CCDC3: variants seen among roughly 807,000 people sequenced by gnomAD.
CCDC3 encodes coiled-coil domain-containing protein 3.
A neutral mutation model predicts 21.4 loss-of-function variants in CCDC3; 24 were observed. That is an observed-to-expected ratio of 1.12 (90% CI 0.81 to 1.58). The LOEUF is 1.58. Among genes scored for constraint, CCDC3 ranks in the 40% most tolerant of loss-of-function variants. The pLI, the probability that CCDC3 is intolerant of heterozygous loss-of-function variation, is 0.00. For missense variants in CCDC3, 425 were observed against 360.9 expected (o/e 1.18, Z -1.44); for synonymous variants, 186 against 166.0 (o/e 1.12, Z -0.93).
intron 4 of CCDC3, among the ~76,000 whole-genome samples, chr10:13,057,634 C>T (rs1836698677): frequency 6.6e-6 from 1 of 152,094 alleles, no homozygotes; most frequent in African/African-American, 2.4e-5. Context: ...AATCCCAGCA[C>T]TTTGGAAGGC....
At chr10:12,901,186 G>A (rs369640599) in intron 2 of CCDC3, among the ~76,000 whole-genome samples, 13 of 152,198 alleles carry the variant, frequency 8.5e-5, no homozygotes, top group South Asian at 2.1e-4. Context: ...GTCTGCCTCC[G>A]CCTGTTCTTG....
chr10:13,050,217 T>G (rs1317536707), intron 4 of CCDC3, among the ~76,000 whole-genome samples: 3 of 152,164 alleles, frequency 2.0e-5, no homozygotes, highest in Non-Finnish European at 4.4e-5. Context: ...CTGGTCCATT[T>G]GCAGCCTGTG....
At chr10:13,073,687 A>G (rs189545280) in intron 4 of CCDC3, among the ~76,000 whole-genome samples, 41 of 152,124 alleles carry the variant, frequency 2.7e-4, no homozygotes, top group African/African-American at 8.4e-4. Flanking sequence ...GGGTTTCTCA[A>G]TGTTGCCTAG....
At chr10:13,028,762 C>A (rs150161464) in intron 5 of CCDC3, among the ~76,000 whole-genome samples, 95 of 152,236 alleles carry the variant, frequency 6.2e-4, no homozygotes, top group African/African-American at 2.1e-3. Context: ...TAGGAAATAG[C>A]AGGATTGTAG....
chr10:13,061,277 T>C (rs1836753911), intron 4 of CCDC3, among the ~76,000 whole-genome samples: 1 of 152,184 alleles, frequency 6.6e-6, no homozygotes, highest in African/African-American at 2.4e-5. Flanking sequence ...AGAACTGCTG[T>C]TACTGCAGTG....
chr10:13,016,685 C>T (rs1836066572), intron 5 of CCDC3, among the ~76,000 whole-genome samples: 1 of 152,030 alleles, frequency 6.6e-6, no homozygotes, highest in South Asian at 2.1e-4. Flanking sequence ...CTGTGGTCCC[C>T]TGGCTCTCAA....
At chr10:13,076,074 C>CA (rs1437506858) in intron 3 of CCDC3, among the ~76,000 whole-genome samples, 22 of 151,656 alleles carry the variant, frequency 1.5e-4, no homozygotes, top group African/African-American at 2.9e-4. Flanking sequence ...AACAAGCAAA[C>CA]AAAAAAACCT....
intron 2 of CCDC3, among the ~76,000 whole-genome samples, chr10:12,943,823 T>TTTCTCTTTCTCTCTATTAAACCTC (rs1263793052): frequency 3.9e-5 from 6 of 152,142 alleles, no homozygotes; most frequent in Non-Finnish European, 7.4e-5. Context: ...GAAGAGAGTT[T>TTTCTCTTTCTCTCTATTAAACCTC]TTCTCTTTCT....
chr10:12,943,110 G>A (rs894401665), intron 2 of CCDC3, among the ~76,000 whole-genome samples: 1 of 151,998 alleles, frequency 6.6e-6, no homozygotes, highest in Non-Finnish European at 1.5e-5. Context: ...ATTGGCTTAA[G>A]CGCTTATATA....
intron 3 of CCDC3, among the ~76,000 whole-genome samples, chr10:13,079,872 A>G (rs1837013405): frequency 6.6e-6 from 1 of 152,192 alleles, no homozygotes; most frequent in Non-Finnish European, 1.5e-5. Context: ...CAGAGACAGA[A>G]AGCAAAAATC....
At chr10:12,936,828 G>A (rs1397693944) in intron 2 of CCDC3, among the ~76,000 whole-genome samples, 1 of 152,214 alleles carries the variant, frequency 6.6e-6, no homozygotes, top group African/African-American at 2.4e-5. Flanking sequence ...TAGGAGGATG[G>A]CATGAGCCCA....
chr10:12,904,468 T>TTAAAAAAAAA (rs543775104), intron 2 of CCDC3, among the ~76,000 whole-genome samples: 1 of 40,900 alleles, frequency 2.4e-5, no homozygotes, highest in Non-Finnish European at 4.2e-5. Flanking sequence ...AAGCCAGTCT[T>TTAAAAAAAAA]AAAAAAAAAA....
At chr10:13,073,455 A>G (rs750920124) in intron 4 of CCDC3, among the ~76,000 whole-genome samples, 13 of 152,168 alleles carry the variant, frequency 8.5e-5, no homozygotes, top group Non-Finnish European at 1.3e-4. Context: ...AACAAATCCA[A>G]CTGGAGCAGG....
intron 2 of CCDC3, among the ~76,000 whole-genome samples, chr10:12,981,724 T>C (rs1341644022): frequency 1.3e-5 from 2 of 152,126 alleles, no homozygotes; most frequent in East Asian, 3.9e-4. Context: ...AGAGTCCTGT[T>C]TATTTACAAA....
At chr10:13,057,370 C>T (rs637102) in intron 4 of CCDC3, among the ~76,000 whole-genome samples, 53,136 of 151,788 alleles carry the variant, frequency 0.35, 9,603 homozygotes, top group African/African-American at 0.4. Context: ...GAGCTCCAAC[C>T]CAGTTCCATA....
intron 2 of CCDC3, among the ~76,000 whole-genome samples, chr10:12,973,263 A>C (rs1835369332): frequency 6.6e-6 from 1 of 152,152 alleles, no homozygotes; most frequent in Non-Finnish European, 1.5e-5. Context: ...ACAATATCAC[A>C]GCATGGTGCA....
chr10:13,093,044 T>C (rs889812443), intron 3 of CCDC3, among the ~76,000 whole-genome samples: 6 of 150,848 alleles, frequency 4.0e-5, no homozygotes, highest in African/African-American at 1.2e-4. Context: ...TTTTTTTTTT[T>C]TTCAAAAACA....
At chr10:12,952,148 T>C (rs1835018158) in intron 2 of CCDC3, among the ~76,000 whole-genome samples, 1 of 152,246 alleles carries the variant, frequency 6.6e-6, no homozygotes, top group East Asian at 1.9e-4. Context: ...AACAGGCTCA[T>C]GTGGTTCTCC....
intron 5 of CCDC3, among the ~76,000 whole-genome samples, chr10:13,020,365 C>T (rs1022754381): frequency 1.1e-4 from 17 of 152,294 alleles, no homozygotes; most frequent in African/African-American, 3.4e-4. Flanking sequence ...GAACAGTTAG[C>T]GCGGTTTAGC....
Sources: gnomAD v4.1 joint callset for allele counts (sites outside exome capture counted in the v4.1 genomes callset) on GRCh38, gnomAD v4.1.1 for gene constraint, MANE v1.5 for transcripts, NCBI Gene and HGNC (gene_info 2026-07-23, HGNC 2026-07-21) for gene names.